ATXN10: variants seen among roughly 807,000 people sequenced by gnomAD.
ATXN10 encodes the protein ataxin 10, also known as ataxin-10.
In ATXN10, 28 loss-of-function variants were observed where a neutral mutation model predicts 52.9. The ratio of observed to expected loss-of-function variants is 0.53; its 90% confidence interval spans 0.39 to 0.73. The LOEUF is 0.73. Among genes scored for constraint, ATXN10 ranks in the 30% least tolerant of loss-of-function variants. ATXN10 has a pLI of 0.00. For missense variants in ATXN10, 565 were observed against 577.0 expected (o/e 0.98, Z 0.21); for synonymous variants, 226 against 221.5 (o/e 1.02, Z -0.18).
intron 5 of ATXN10, among the ~76,000 whole-genome samples, chr22:45,707,415 A>G (rs1451600374): frequency 2.0e-5 from 3 of 152,130 alleles, no homozygotes; most frequent in Non-Finnish European, 2.9e-5. Context: ...GGTACATACA[A>G]TAATATGATG....
rs995051648 is a variant in ATXN10, at chr22:45,780,146, C to T, written c.1174-26813C>T. ...TCACCCAGGCTGGAGTGCAGTGGCA[C>T]GATCTTGGTTCACTGCAACCTCCAC... On this transcript the variant is annotated intron_variant, in intron 9 of 11. Transcript: ENST00000252934. The surrounding 1 kb of genome is among the most constrained non-coding windows in gnomAD (Gnocchi z 4.0). 6.6e-6 allele frequency among the ~76,000 whole-genome samples: 1 copy of T among 151,340 alleles called. No homozygotes were observed. The highest frequency in any genetic ancestry group is 6.6e-5 in the Admixed American group (1 of 15,216).
In ATXN10 at chr22:45,775,193, T is replaced by C. The variant is rs1245293801; in HGVS notation, c.1174-31766T>C. ...CTCCTAGAGAAGGAGGGGATGGCAG[T>C]GGGCAGGGGACAGATGTGTGCACAT... On this transcript the variant is annotated intron_variant, in intron 9 of 11. Coordinates refer to ENST00000252934, the MANE Select transcript of ATXN10 (RefSeq NM_013236.4). This position sits in a 1 kb window ranked among gnomAD's most constrained non-coding sequence, Gnocchi z 4.7. Among the ~76,000 whole-genome samples, 2 of 152,066 alleles carry C rather than the reference T, an allele frequency of 1.3e-5. No individual in the cohort carries two copies. Among genetic ancestry groups the C allele is most frequent in the African/African-American group, 2.4e-5 (1 of 41,410 alleles).
intron 10 of ATXN10, among the ~76,000 whole-genome samples, chr22:45,839,796 C>T (rs1601679954): frequency 6.6e-6 from 1 of 152,160 alleles, no homozygotes; most frequent in Non-Finnish European, 1.5e-5. Context: ...GCCTGGGTTG[C>T]ATTTATATCG....
intron 5 of ATXN10, among the ~76,000 whole-genome samples, chr22:45,716,729 GAGTA>G (rs1924462294): frequency 6.6e-6 from 1 of 152,050 alleles, no homozygotes; most frequent in Non-Finnish European, 1.5e-5. Flanking sequence ...AGTAAGTCCT[GAGTA>G]AGTAAGAAAG....
At chr22:45,800,687 C>T (rs1927902833) in intron 9 of ATXN10, among the ~76,000 whole-genome samples, 1 of 152,174 alleles carries the variant, frequency 6.6e-6, no homozygotes, top group Admixed American at 6.5e-5. Flanking sequence ...CTGGTATCAA[C>T]CCAGTGGCCA....
In ATXN10 at chr22:45,688,465, G is replaced by T. The variant is rs1188088122; in HGVS notation, c.117-1247G>T. Among the ~76,000 whole-genome samples, 2 of 152,152 alleles carry T rather than the reference G, an allele frequency of 1.3e-5. No individual in the cohort carries two copies. The highest frequency in any genetic ancestry group is 6.5e-5 in the Admixed American group (1 of 15,274). On this transcript the variant is annotated intron_variant, in intron 1 of 11. Coordinates refer to ENST00000252934, the MANE Select transcript of ATXN10 (RefSeq NM_013236.4). The surrounding 1 kb of genome is among the most constrained non-coding windows in gnomAD (Gnocchi z 4.0). ...AAATTTGACTCCAGACTTAAGAAAG[G>T]CCCCGACAGAGAGAAAACATAATAA...
intron 9 of ATXN10, among the ~76,000 whole-genome samples, chr22:45,758,404 G>C (rs1350229814): frequency 2.0e-5 from 3 of 152,206 alleles, no homozygotes; most frequent in African/African-American, 7.2e-5. Context: ...CATATTCATG[G>C]CTTGAGCTAT....
intron 5 of ATXN10, among the ~76,000 whole-genome samples, chr22:45,717,286 T>C (rs1219365986): frequency 6.6e-6 from 1 of 152,198 alleles, no homozygotes; most frequent in Non-Finnish European, 1.5e-5. Context: ...TGACTAAATA[T>C]GGGTCTTTAT....
rs1345485540 is a variant in ATXN10 at position 45,701,176 on chromosome 22, G to A, written c.488+798G>A. On this transcript the variant is annotated intron_variant, in intron 4 of 11. Transcript: ENST00000252934. The surrounding 1 kb of genome is among the most constrained non-coding windows in gnomAD (Gnocchi z 4.2). ...AGCACAGCAGGGTAGCAGCTGTTGT[G>A]TACATACCCTGAACTGGGCATTATC... Among the ~76,000 whole-genome samples, 3 of 152,156 alleles carry A rather than the reference G, an allele frequency of 2.0e-5. No homozygotes were observed.
chr22:45,792,797 A>G (rs1927561528), intron 9 of ATXN10: 1 of 519,414 alleles, frequency 1.9e-6, no homozygotes, highest in South Asian at 1.5e-5. Context: ...ATTTTGTGAC[A>G]TCATTCTGTA....
At chr22:45,831,771 T>C (rs1279103760) in intron 10 of ATXN10, among the ~76,000 whole-genome samples, 1 of 152,188 alleles carries the variant, frequency 6.6e-6, no homozygotes, top group Non-Finnish European at 1.5e-5. Flanking sequence ...GTACTATCGT[T>C]TGACATATTG....
At chr22:45,709,877 C>T (rs764648972) in intron 5 of ATXN10, among the ~76,000 whole-genome samples, 25 of 152,182 alleles carry the variant, frequency 1.6e-4, no homozygotes, top group African/African-American at 2.7e-4. Context: ...ACCATTTACT[C>T]GTTTGCTGAG....
At chr22:45,785,666 A>G (rs759418402) in intron 9 of ATXN10, among the ~76,000 whole-genome samples, 4 of 152,232 alleles carry the variant, frequency 2.6e-5, no homozygotes, top group Non-Finnish European at 5.9e-5. Flanking sequence ...ATGGCTGAGC[A>G]GGTGGCAGCG....
At position 45,688,110 on chromosome 22, in the gene ATXN10, C is replaced by T. The variant is rs1211792310; in HGVS notation, c.117-1602C>T. On this transcript the variant is annotated intron_variant, in intron 1 of 11. Coordinates refer to ENST00000252934, the MANE Select transcript of ATXN10 (RefSeq NM_013236.4). The surrounding 1 kb of genome is among the most constrained non-coding windows in gnomAD (Gnocchi z 4.0). ...TCCATTCTTCTTACGGCAATGCTGT[C>T]ACTAAAAAATGGCTTATGTACTTGT... 6.6e-6 allele frequency among the ~76,000 whole-genome samples: 1 copy of T among 152,110 alleles called. No homozygotes were observed. The highest frequency in any genetic ancestry group is 1.5e-5 in the Non-Finnish European group (1 of 68,024).
intron 9 of ATXN10, among the ~76,000 whole-genome samples, chr22:45,796,825 C>T (rs776555542): frequency 6.6e-6 from 1 of 151,998 alleles, no homozygotes; most frequent in Admixed American, 6.6e-5. Flanking sequence ...AGGCAAGACT[C>T]AATTATATGC....
In ATXN10 at chr22:45,757,248, G is replaced by T. The variant is rs1201329672; in HGVS notation, c.1173+16710G>T. 2.6e-5 allele frequency among the ~76,000 whole-genome samples: 4 copies of T among 152,170 alleles called. No homozygotes were observed. The highest frequency in any genetic ancestry group is 4.4e-5 in the Non-Finnish European group (3 of 68,034). On this transcript the variant is annotated intron_variant, in intron 9 of 11. Coordinates refer to ENST00000252934, the MANE Select transcript of ATXN10 (RefSeq NM_013236.4). This position sits in a 1 kb window ranked among gnomAD's most constrained non-coding sequence, Gnocchi z 4.6. ...CGAAGAGAGGGCGTGTCCTTTGCCT[G>T]TTGGAATTCCAACCCTGGCGACTTT... is the stretch of plus-strand genomic sequence containing the variant.
In ATXN10 at chr22:45,825,690, G is replaced by A. The variant is rs1289131827; in HGVS notation, c.1238-17301G>A. Among the ~76,000 whole-genome samples the A allele has an allele frequency of 1.1e-4, 17 of 152,026 alleles. No homozygotes were observed. Among genetic ancestry groups the A allele is most frequent in the Admixed American group, 1.1e-3 (17 of 15,270 alleles). On this transcript the variant is annotated intron_variant, in intron 10 of 11. Coordinates refer to ENST00000252934, the MANE Select transcript of ATXN10 (RefSeq NM_013236.4). This position sits in a 1 kb window ranked among gnomAD's most constrained non-coding sequence, Gnocchi z 4.5. Reference sequence around the variant, plus strand: ...CAAGGGGGAAAAAATGAAACAAACAGAAACCATTCTTGGATTCATCTACTA... The same window carrying A: ...CAAGGGGGAAAAAATGAAACAAACAAAAACCATTCTTGGATTCATCTACTA...
Position 45,715,392 on chromosome 22 carries a change from GT to G in ATXN10, c.648-3017del, listed in dbSNP as rs1259086822. ...TAGACAAATATCAGTATAGACTGAT[GT>G]TTTATACATTATATAAACATGATGA... On this transcript the variant is annotated intron_variant, in intron 5 of 11. Transcript: ENST00000252934. This position sits in a 1 kb window ranked among gnomAD's most constrained non-coding sequence, Gnocchi z 4.4. Among the ~76,000 whole-genome samples, 3 of 152,198 alleles carry G rather than the reference GT, an allele frequency of 2.0e-5. No individual in the cohort carries two copies. Among genetic ancestry groups the G allele is most frequent in the South Asian group, 4.1e-4 (2 of 4,828 alleles).
At position 45,708,776 on chromosome 22, in the gene ATXN10, A is replaced by C. The variant is rs932207274; in HGVS notation, c.647+5929A>C. Among the ~76,000 whole-genome samples the C allele has an allele frequency of 2.0e-5, 3 of 152,118 alleles. No individual in the cohort carries two copies. The highest frequency in any genetic ancestry group is 2.9e-5 in the Non-Finnish European group (2 of 68,014). ...CATCTCAGCCCCCTGAGTAGCCAGG[A>C]CTACAGGCGTGCGCCACCACGCCTG... On this transcript the variant is annotated intron_variant, in intron 5 of 11. Transcript: ENST00000252934. The surrounding 1 kb of genome is among the most constrained non-coding windows in gnomAD (Gnocchi z 5.3).
Sources: allele counts gnomAD v4.1 joint callset (sites outside exome capture counted in the v4.1 genomes callset), GRCh38; gene constraint gnomAD v4.1.1; non-coding constraint Gnocchi (gnomAD v3.1); transcripts MANE v1.5; gene names NCBI Gene and HGNC (gene_info 2026-07-23, HGNC 2026-07-21).